The following TENM3 variants were observed in gnomAD, a reference collection of about 807,000 sequenced individuals.
TENM3 encodes the protein teneurin-3.
TENM3 carries 63 observed loss-of-function variants against 255.1 expected under a neutral mutation model. The observed-to-expected ratio is 0.25, with a 90% CI of 0.20 to 0.30. The LOEUF (loss-of-function observed/expected upper bound fraction) is 0.30. Ranked by LOEUF, TENM3 falls within the 10% of genes least tolerant of loss-of-function variation. The pLI is 1.00. For synonymous variants in TENM3, 1,306 were observed against 1,322.3 expected (o/e 0.99, Z 0.27); for missense variants, 2,929 against 3,461.1 (o/e 0.85, Z 3.86).
intron 12 of TENM3, among the ~76,000 whole-genome samples, chr4:182,708,660 T>C (rs1758487354): frequency 6.6e-6 from 1 of 152,008 alleles, no homozygotes; most frequent in South Asian, 2.1e-4. Context: ...TAGCCAGGTG[T>C]GGTGGCGGGC....
At chr4:181,644,456 G>A in the TENM3 span, among the ~76,000 whole-genome samples, 932 of 151,962 alleles carry the variant, frequency 6.1e-3, 13 homozygotes, top group African/African-American at 0.021. Flanking sequence ...TACTATAAGG[G>A]CATTTCACAT....
chr4:182,024,661 C>A, the TENM3 span, among the ~76,000 whole-genome samples: 1 of 152,202 alleles, frequency 6.6e-6, no homozygotes, highest in Non-Finnish European at 1.5e-5. Flanking sequence ...GGGTATCCAT[C>A]CCCTCAAGCA....
chr4:182,074,643 G>C, the TENM3 span, among the ~76,000 whole-genome samples: 2 of 152,132 alleles, frequency 1.3e-5, no homozygotes, highest in Admixed American at 1.3e-4. Context: ...GAAATGAGGC[G>C]GTGTGGGGCA....
chr4:182,301,618 G>A (rs1340733578), intron 1 of TENM3, among the ~76,000 whole-genome samples: 5 of 152,206 alleles, frequency 3.3e-5, no homozygotes, highest in Non-Finnish European at 5.9e-5. Context: ...GTGCGTCAGA[G>A]GAGAGAAGCC....
chr4:182,382,961 C>A lies in TENM3; in HGVS notation c.511+36032C>A, dbSNP rs976148629. 9.2e-5 allele frequency among the ~76,000 whole-genome samples: 14 copies of A among 152,132 alleles called. No individual in the cohort carries two copies. In the South Asian group the frequency reaches 2.3e-3, roughly 25 times the overall value. ...GGAATCCATGAGCTGGGACCACCTA[C>A]TCGTTGGTGTTGCTAAGGAAAAATT... On this transcript the variant is annotated intron_variant, in intron 3 of 27. Transcript: ENST00000511685.
At chr4:181,453,317 G>C in the TENM3 span, among the ~76,000 whole-genome samples, 2 of 152,156 alleles carry the variant, frequency 1.3e-5, no homozygotes, top group African/African-American at 4.8e-5. Flanking sequence ...GCTAGGTGGA[G>C]GGAAGCTTGG....
rs1764850045 is a variant in TENM3 at position 182,346,831 on chromosome 4, G to A, written c.413G>A (p.Gly138Glu). 6.2e-7 allele frequency: 1 copy of A among 1,613,380 alleles called. No homozygotes were observed. The highest frequency in any genetic ancestry group is 2.2e-5 in the East Asian group (1 of 44,832). The change falls in exon 3 of 28, where the codon GGG (glycine) becomes GAG (glutamate). Residue 138 changes from glycine (G) to glutamate (E), a missense_variant. This residue lies in a region of TENM3 where 283 missense variants were observed against 256.9 expected (regional missense o/e 1.10). Coordinates refer to ENST00000511685, the MANE Select transcript of TENM3 (RefSeq NM_001080477.4). The part of the protein sequence containing the change: ...PEHAMRLWGR[G>E]VKSGRSSCLS... ...CATGCCATGAGACTTTGGGGCAGGGGGGTCAAATCAGGCCGCAGCTCCTGC... is the reference window on the plus strand; with the variant it reads ...CATGCCATGAGACTTTGGGGCAGGGAGGTCAAATCAGGCCGCAGCTCCTGC...
At chr4:181,896,008 C>G in the TENM3 span, among the ~76,000 whole-genome samples, 1 of 152,130 alleles carries the variant, frequency 6.6e-6, no homozygotes, top group Non-Finnish European at 1.5e-5. Context: ...CTGACATTCC[C>G]CCTGCTAATT....
the TENM3 span, among the ~76,000 whole-genome samples, chr4:181,897,594 G>A: frequency 5.3e-5 from 8 of 152,252 alleles, 1 homozygote; most frequent in South Asian, 1.2e-3. Context: ...GATTCATAGC[G>A]TTGATCAAAG....
At chr4:181,827,806 G>A in the TENM3 span, among the ~76,000 whole-genome samples, 1 of 152,128 alleles carries the variant, frequency 6.6e-6, no homozygotes, top group South Asian at 2.1e-4. Flanking sequence ...TATAGACAGA[G>A]CAGCTGTGAG....
At chr4:181,810,420 T>C in the TENM3 span, among the ~76,000 whole-genome samples, 1 of 152,102 alleles carries the variant, frequency 6.6e-6, no homozygotes, top group Non-Finnish European at 1.5e-5. Flanking sequence ...CTTTCCTCTC[T>C]GTTTTAAAAA....
chr4:182,567,925 A>G (rs1432551138), intron 3 of TENM3, among the ~76,000 whole-genome samples: 1 of 151,936 alleles, frequency 6.6e-6, no homozygotes, highest in East Asian at 1.9e-4. Context: ...GCACATGCAT[A>G]GTAAGTGCTT....
chr4:182,771,956 G>A (rs1331410062), intron 22 of TENM3, among the ~76,000 whole-genome samples: 6 of 152,060 alleles, frequency 3.9e-5, no homozygotes, highest in East Asian at 1.9e-4. Flanking sequence ...GCTGAGCAGC[G>A]TGGCAGGTTG....
chr4:181,516,998 C>A, the TENM3 span, among the ~76,000 whole-genome samples: 2 of 152,156 alleles, frequency 1.3e-5, no homozygotes, highest in Non-Finnish European at 2.9e-5. Context: ...TCAAACACTA[C>A]CCTCTTTTGT....
the TENM3 span, among the ~76,000 whole-genome samples, chr4:182,065,143 T>C: frequency 0.057 from 8,574 of 151,448 alleles, 798 homozygotes; most frequent in African/African-American, 0.2. Context: ...CAAGCGATTC[T>C]CCTGCCTCAG....
chr4:182,617,557 T>G (rs543048728), intron 4 of TENM3, among the ~76,000 whole-genome samples: 3 of 152,324 alleles, frequency 2.0e-5, no homozygotes, highest in African/African-American at 7.2e-5. Context: ...AGTTATATTT[T>G]GCTGGAAGGA....
the TENM3 span, among the ~76,000 whole-genome samples, chr4:181,801,908 T>C: frequency 6.6e-6 from 1 of 152,142 alleles, no homozygotes; most frequent in African/African-American, 2.4e-5. Context: ...AACTTTGTCC[T>C]TGTTCATATG....
the TENM3 span, among the ~76,000 whole-genome samples, chr4:181,670,487 G>GA: frequency 0.056 from 8,586 of 152,108 alleles, 341 homozygotes; most frequent in Middle Eastern, 0.16. Context: ...ATGAAAGATA[G>GA]AAAAAAAGGC....
At chr4:182,619,461 G>A (rs1749887490) in intron 4 of TENM3, among the ~76,000 whole-genome samples, 1 of 151,706 alleles carries the variant, frequency 6.6e-6, no homozygotes, top group Admixed American at 6.6e-5. Context: ...TAGATTAGAG[G>A]TAGAAGCTAA....
Sources: allele counts gnomAD v4.1 joint callset (sites outside exome capture counted in the v4.1 genomes callset), GRCh38; gene constraint gnomAD v4.1.1; regional missense constraint gnomAD v4.1.1; transcripts MANE v1.5; gene names NCBI Gene and HGNC (gene_info 2026-07-23, HGNC 2026-07-21).